The following CTNNA1 variants were observed in gnomAD, a reference collection of about 807,000 sequenced individuals.
CTNNA1 encodes the protein catenin alpha-1.
Under a neutral mutation model 98.4 loss-of-function variants are expected in CTNNA1, and 37 were observed. That is an observed-to-expected ratio of 0.38 (90% CI 0.29 to 0.49). CTNNA1 has a LOEUF of 0.49. CTNNA1 is among the 20% of genes least tolerant of loss of function. The pLI is 0.95. For missense variants in CTNNA1, 761 were observed against 1,147.2 expected, an observed-to-expected ratio of 0.66 and a Z score of 4.86; for synonymous variants, 404 against 413.2, an observed-to-expected ratio of 0.98 and a Z score of 0.27.
At chr5:138,887,952 G>C (rs1754453069) in intron 9 of CTNNA1, among the ~76,000 whole-genome samples, 1 of 152,156 alleles carries the variant, frequency 6.6e-6, no homozygotes, top group African/African-American at 2.4e-5. Flanking sequence ...CAATGCCTAA[G>C]AACCAGAGCT....
At chr5:138,895,897 T>C (rs1162401055) in intron 9 of CTNNA1, among the ~76,000 whole-genome samples, 2 of 152,200 alleles carry the variant, frequency 1.3e-5, no homozygotes, top group Admixed American at 6.5e-5. Flanking sequence ...GCTAACTTGG[T>C]TTTTGGAAAT....
At chr5:138,890,927 T>C (rs1333534429) in intron 9 of CTNNA1, among the ~76,000 whole-genome samples, 3 of 152,084 alleles carry the variant, frequency 2.0e-5, no homozygotes, top group Non-Finnish European at 4.4e-5. Context: ...ATATAATACC[T>C]CCCCATCTTA....
Position 138,753,452 on chromosome 5 carries a change from A to G in CTNNA1, c.-61A>G, listed in dbSNP as rs1420345208. The G allele has an allele frequency of 3.4e-4, 126 of 374,206 alleles. No homozygotes were observed. The highest frequency in any genetic ancestry group is 6.9e-4 in the Middle Eastern group (1 of 1,442). The allele number at this position is 374,206 out of a possible 1,614,324, so 23.2% of individuals were successfully genotyped here. Reference sequence around the variant, plus strand: ...CCTCCTAGCCGGACTGGAGGGAGACAAAGCAGCGCCCGTCTGCTTCGGGCC... The same window carrying G: ...CCTCCTAGCCGGACTGGAGGGAGACGAAGCAGCGCCCGTCTGCTTCGGGCC... On this transcript the variant is annotated 5_prime_UTR_variant, in exon 1 of 18. Coordinates refer to ENST00000302763, the MANE Select transcript of CTNNA1 (RefSeq NM_001903.5).
At chr5:138,813,626 T>C (rs1300828628) in intron 5 of CTNNA1, among the ~76,000 whole-genome samples, 1 of 152,134 alleles carries the variant, frequency 6.6e-6, no homozygotes, top group Non-Finnish European at 1.5e-5. Flanking sequence ...AGTAAACACA[T>C]AAAAAAATTT....
rs577979650 is a variant in CTNNA1 at position 138,763,398 on chromosome 5, C to G, written c.-3+9888C>G. Among the ~76,000 whole-genome samples the G allele has an allele frequency of 9.9e-5, 15 of 152,254 alleles. No individual in the cohort carries two copies. In the East Asian group the frequency reaches 2.9e-3, roughly 29 times the overall value. ...GGTATGTTGAATATTTCATTAGATT[C>G]AATATTTCAATATTAATCCAAGCTT... On this transcript the variant is annotated intron_variant, in intron 1 of 17. Coordinates refer to ENST00000302763, the MANE Select transcript of CTNNA1 (RefSeq NM_001903.5).
chr5:138,883,375 A>G (rs986362559), intron 7 of CTNNA1, among the ~76,000 whole-genome samples: 1 of 152,230 alleles, frequency 6.6e-6, no homozygotes, highest in African/African-American at 2.4e-5. Context: ...AACTGCTCCT[A>G]AACTGCTCCC....
chr5:138,929,461 T>G (rs1764845542), intron 14 of CTNNA1, 105 bp downstream of exon 14: 1 of 632,784 alleles, frequency 1.6e-6, no homozygotes, highest in African/African-American at 1.8e-5. Context: ...ACCGTTTCTC[T>G]CTCTCTGTCT....
chr5:138,785,027 T>G (rs943400688), intron 3 of CTNNA1, among the ~76,000 whole-genome samples: 6 of 152,188 alleles, frequency 3.9e-5, no homozygotes, highest in Non-Finnish European at 8.8e-5. Flanking sequence ...GGCAATGCTA[T>G]TCAACCCAGT....
At chr5:138,811,192 T>C (rs1322644776) in intron 4 of CTNNA1, among the ~76,000 whole-genome samples, 176 of 133,400 alleles carry the variant, frequency 1.3e-3, no homozygotes, top group Middle Eastern at 4.0e-3. Flanking sequence ...GTCTCCTCAC[T>C]TCTCAGACGG....
At chr5:138,815,189 T>C (rs1039871840) in intron 5 of CTNNA1, among the ~76,000 whole-genome samples, 2 of 152,234 alleles carry the variant, frequency 1.3e-5, no homozygotes, top group African/African-American at 2.4e-5. Flanking sequence ...AAGAGTTCCT[T>C]GAACATAATC....
intron 10 of CTNNA1, among the ~76,000 whole-genome samples, chr5:138,912,018 T>A (rs1411679181): frequency 6.6e-6 from 1 of 152,186 alleles, no homozygotes; most frequent in East Asian, 1.9e-4. Flanking sequence ...ATGTTATTTT[T>A]GAGGTGCCTA....
intron 9 of CTNNA1, among the ~76,000 whole-genome samples, chr5:138,893,042 T>C (rs541285468): frequency 2.0e-5 from 3 of 152,050 alleles, no homozygotes; most frequent in African/African-American, 7.2e-5. Flanking sequence ...TAAATAAAAA[T>C]AAATTAAAAA....
chr5:138,932,927 T>C (rs1765698449), intron 17 of CTNNA1: 1 of 786,788 alleles, frequency 1.3e-6, no homozygotes, highest in Admixed American at 1.7e-5. Flanking sequence ...GCTGAAAGGC[T>C]GGCCTCCTCC....
chr5:138,875,894 C>T (rs1009913439), intron 7 of CTNNA1, among the ~76,000 whole-genome samples: 2 of 152,000 alleles, frequency 1.3e-5, no homozygotes, highest in East Asian at 1.9e-4. Context: ...ACATTATAAA[C>T]GAAGAATAAA....
At chr5:138,912,705 T>C (rs980069017) in intron 10 of CTNNA1, among the ~76,000 whole-genome samples, 2 of 152,226 alleles carry the variant, frequency 1.3e-5, no homozygotes, top group African/African-American at 4.8e-5. Context: ...TGATCGTGCC[T>C]AGTTGGGGGC....
At chr5:138,811,558 A>C (rs1758793841) in intron 4 of CTNNA1, among the ~76,000 whole-genome samples, 2 of 151,774 alleles carry the variant, frequency 1.3e-5, no homozygotes, top group African/African-American at 4.8e-5. Flanking sequence ...TTGGGAGGCC[A>C]AGGCAGGTGG....
At chr5:138,932,898 CCTG>C in intron 17 of CTNNA1, 186 bp downstream of exon 17, 1 of 829,644 alleles carries the variant, frequency 1.2e-6, no homozygotes, top group Non-Finnish European at 2.1e-6. Flanking sequence ...AACTGTGACA[CCTG>C]CGGGGCACTG....
At chr5:138,809,557 A>C (rs1257528775) in intron 3 of CTNNA1, among the ~76,000 whole-genome samples, 1 of 152,224 alleles carries the variant, frequency 6.6e-6, no homozygotes, top group African/African-American at 2.4e-5. Flanking sequence ...GTATTTTCAC[A>C]TACCAGTGAG....
At position 138,874,846 on chromosome 5, in the gene CTNNA1, A is replaced by C; in HGVS notation, c.1063-11366A>C. On this transcript the variant is annotated intron_variant, in intron 7 of 17. Transcript: ENST00000302763. The surrounding 1 kb of genome is among the most constrained non-coding windows in gnomAD (Gnocchi z 4.1). ...TTCCCTCATAAAATGTGAATTCGGTAGCTTATTTTAAAAGCGTGATTCCTT... is the reference window on the plus strand; with the variant it reads ...TTCCCTCATAAAATGTGAATTCGGTCGCTTATTTTAAAAGCGTGATTCCTT... 6.8e-7 allele frequency: 1 copy of C among 1,477,554 alleles called. No individual in the cohort carries two copies. The highest frequency in any genetic ancestry group is 9.4e-7 in the Non-Finnish European group (1 of 1,067,462). 91.5% of individuals were successfully genotyped at this position (1,477,554 alleles called of 1,614,324 possible). A position where few individuals can be genotyped will look rare whatever the true frequency, so the allele number is the denominator to read the frequency against.
Sources: gnomAD v4.1 joint callset for allele counts (sites outside exome capture counted in the v4.1 genomes callset) on GRCh38, gnomAD v4.1.1 for gene constraint, Gnocchi (gnomAD v3.1) non-coding constraint, MANE v1.5 for transcripts, NCBI Gene and HGNC (gene_info 2026-07-23, HGNC 2026-07-21) for gene names.